TOGARAM1: variants seen among roughly 807,000 people sequenced by gnomAD.
TOGARAM1 encodes TOG array regulator of axonemal microtubules protein 1.
TOGARAM1 carries 100 observed loss-of-function variants against 166.6 expected under a neutral mutation model. That is an observed-to-expected ratio of 0.60 (90% CI 0.51 to 0.71). The LOEUF (loss-of-function observed/expected upper bound fraction) is 0.71, where lower values mean the gene tolerates loss of function less well. TOGARAM1 is among the 30% of genes least tolerant of loss of function. TOGARAM1 has a pLI of 0.00. For synonymous variants in TOGARAM1, 758 were observed against 763.8 expected (o/e 0.99, Z 0.13); for missense variants, 2,029 against 2,102.7 (o/e 0.96, Z 0.69).
At chr14:45,004,461 T>C (rs1412456367) in intron 4 of TOGARAM1, 95 bp downstream of exon 4, 2 of 909,530 alleles carry the variant, frequency 2.2e-6, no homozygotes, top group Non-Finnish European at 3.3e-6. Context: ...GCTAGTAAAC[T>C]ACATTTTATC....
rs377403937 is a variant in TOGARAM1, at chr14:44,999,445, T to C, written c.2286T>C (p.Ser762=). 1.2e-6 allele frequency: 2 copies of C among 1,612,948 alleles called. No individual in the cohort carries two copies. The highest frequency in any genetic ancestry group is 1.7e-6 in the Non-Finnish European group (2 of 1,179,328). The part of the protein sequence containing the change: ...GFSQICGKTG[S]VGSDLQFLGT... ...CACAAATATGTGGTAAAACTGGCAG[T>C]GTGGGTTCTGACTTACAATTCCTAG... Residue 762 remains serine (S), a synonymous_variant, in exon 3 of 20, where the codon AGT becomes AGC. Transcript: ENST00000361462.
intron 10 of TOGARAM1, among the ~76,000 whole-genome samples, chr14:45,031,754 A>G (rs867431407): frequency 6.6e-6 from 1 of 152,196 alleles, no homozygotes; most frequent in South Asian, 2.1e-4. Flanking sequence ...AGTTTTCAAT[A>G]GTTTTGGTTT....
At chr14:45,041,124 C>T (rs531968638) in intron 11 of TOGARAM1, among the ~76,000 whole-genome samples, 1 of 151,968 alleles carries the variant, frequency 6.6e-6, no homozygotes, top group African/African-American at 2.4e-5. Flanking sequence ...ACAAAGAGGC[C>T]AGGAGTGGTG....
At chr14:45,057,285 C>T (rs10147794) in intron 16 of TOGARAM1, among the ~76,000 whole-genome samples, 6 of 151,992 alleles carry the variant, frequency 3.9e-5, no homozygotes, top group Admixed American at 3.3e-4. Flanking sequence ...ATGAATCTTG[C>T]GGGGTATGGG....
chr14:45,028,890 AAAT>A lies in TOGARAM1; in HGVS notation c.3658+564_3658+566del, dbSNP rs1231659834. On this transcript the variant is annotated intron_variant, in intron 10 of 19. Coordinates refer to ENST00000361462, the MANE Select transcript of TOGARAM1 (RefSeq NM_001308120.2). ...TACTGTTTTGTTAAATATTATTAAG[AAAT>A]AAACTGAAATATAAACACTATTAAA... Among the ~76,000 whole-genome samples the A allele has an allele frequency of 6.6e-5, 10 of 152,172 alleles. 1 individual carries two copies. The East Asian group carries it at 1.9e-3, about 29-fold the overall frequency.
At chr14:45,037,472 C>G (rs1168511259) in intron 11 of TOGARAM1, among the ~76,000 whole-genome samples, 1 of 152,070 alleles carries the variant, frequency 6.6e-6, no homozygotes, top group Non-Finnish European at 1.5e-5. Context: ...GTAATACAGT[C>G]TGTGTAAATC....
intron 11 of TOGARAM1, among the ~76,000 whole-genome samples, chr14:45,035,516 C>A (rs1881381711): frequency 1.3e-5 from 2 of 151,928 alleles, no homozygotes; most frequent in African/African-American, 2.4e-5. Context: ...AAAAAATGGA[C>A]AAAATTTGTT....
intron 6 of TOGARAM1, 111 bp from the exon 7 acceptor site, chr14:45,011,864 C>A: frequency 3.0e-6 from 2 of 674,998 alleles, no homozygotes; most frequent in East Asian, 2.8e-5. Flanking sequence ...TTATTGCTCC[C>A]TTATTATCTA....
chr14:45,008,718 G>A (rs983876113), intron 5 of TOGARAM1, among the ~76,000 whole-genome samples, 195 bp from the exon 6 acceptor site: 11 of 152,032 alleles, frequency 7.2e-5, no homozygotes, highest in African/African-American at 2.7e-4. Flanking sequence ...AACCCAGTAG[G>A]TTGTTTATAA....
intron 13 of TOGARAM1, among the ~76,000 whole-genome samples, chr14:45,046,283 C>A (rs976385932): frequency 6.6e-6 from 1 of 151,976 alleles, no homozygotes; most frequent in Non-Finnish European, 1.5e-5. Flanking sequence ...AAAATAAAAT[C>A]AAATTACCTG....
chr14:45,071,671 A>G (rs765635728), intron 18 of TOGARAM1, 41 bp from the exon 19 acceptor site: 8 of 1,403,812 alleles, frequency 5.7e-6, no homozygotes, highest in South Asian at 3.7e-5. Context: ...CTAAGAGCTC[A>G]TTACTCTTTA....
chr14:45,005,512 G>A (rs1464144765), intron 4 of TOGARAM1, among the ~76,000 whole-genome samples: 5 of 152,110 alleles, frequency 3.3e-5, no homozygotes, highest in Admixed American at 6.5e-5. Context: ...TACTTGGGAG[G>A]CTGAGGCGGG....
intron 16 of TOGARAM1, among the ~76,000 whole-genome samples, chr14:45,065,734 A>G (rs1566675954): frequency 6.6e-6 from 1 of 152,208 alleles, no homozygotes; most frequent in African/African-American, 2.4e-5. Context: ...GAGATTGCCC[A>G]TTGGTTGACA....
intron 16 of TOGARAM1, among the ~76,000 whole-genome samples, chr14:45,055,860 TC>T (rs55718241): frequency 6.7e-6 from 1 of 149,704 alleles, no homozygotes; most frequent in African/African-American, 2.5e-5. Context: ...TTTTTTTTTT[TC>T]CAAAAAAAGG....
intron 1 of TOGARAM1, among the ~76,000 whole-genome samples, chr14:44,970,439 T>C (rs1885819366): frequency 6.6e-6 from 1 of 152,218 alleles, no homozygotes; most frequent in African/African-American, 2.4e-5. Context: ...AGGAGGATTT[T>C]TTTTGTTAAT....
intron 1 of TOGARAM1, among the ~76,000 whole-genome samples, chr14:44,991,753 T>C (rs887788711): frequency 6.6e-6 from 1 of 151,606 alleles, no homozygotes; most frequent in Middle Eastern, 3.2e-3. Flanking sequence ...AAATAGCTTA[T>C]TGAAGAATGT....
At chr14:44,983,383 T>C (rs1886629385) in intron 1 of TOGARAM1, among the ~76,000 whole-genome samples, 1 of 152,158 alleles carries the variant, frequency 6.6e-6, no homozygotes, top group Admixed American at 6.5e-5. Flanking sequence ...GAAAGGAAGA[T>C]ATGAGTTTAG....
At position 45,064,128 on chromosome 14, in the gene TOGARAM1, T is replaced by C. The variant is rs150340209; in HGVS notation, c.4560-2450T>C. 7.9e-4 allele frequency among the ~76,000 whole-genome samples: 120 copies of C among 152,254 alleles called. 2 individuals are homozygous for C. The East Asian group carries it at 0.021, about 27-fold the overall frequency. ...GCCATAAATCCCTATCTGTCTTTAC[T>C]ATAGTCAGAGTTAAGAACAGTTGTT... On this transcript the variant is annotated intron_variant, in intron 16 of 19. Transcript: ENST00000361462.
At chr14:45,031,925 TGAG>T (rs1299001782) in intron 10 of TOGARAM1, among the ~76,000 whole-genome samples, 4 of 152,152 alleles carry the variant, frequency 2.6e-5, no homozygotes, top group Admixed American at 2.6e-4. Flanking sequence ...TTTGGGAGGC[TGAG>T]GCGGATGGAT....
Sources: allele counts gnomAD v4.1 joint callset (sites outside exome capture counted in the v4.1 genomes callset), GRCh38; gene constraint gnomAD v4.1.1; transcripts MANE v1.5; gene names NCBI Gene and HGNC (gene_info 2026-07-23, HGNC 2026-07-21).